NASP: variants seen among roughly 807,000 people sequenced by gnomAD.
NASP encodes nuclear autoantigenic sperm protein, also known as NASP histone chaperone.
Under a neutral mutation model 89.5 loss-of-function variants are expected in NASP, and 24 were observed. That is an observed-to-expected ratio of 0.27 (90% CI 0.19 to 0.38). The LOEUF (loss-of-function observed/expected upper bound fraction) is 0.38, where lower values mean the gene tolerates loss of function less well. Ranked by LOEUF, NASP falls within the 10% of genes least tolerant of loss-of-function variation. The pLI is 1.00. For missense variants in NASP, 848 were observed against 921.4 expected (o/e 0.92, Z 1.03); for synonymous variants, 306 against 324.7 (o/e 0.94, Z 0.62).
At chr1:45,592,284 C>T (rs190421677) in intron 2 of NASP, among the ~76,000 whole-genome samples, 4 of 152,206 alleles carry the variant, frequency 2.6e-5, no homozygotes, top group South Asian at 2.1e-4. Context: ...TGTGCCCACC[C>T]GAATTATATT....
intron 6 of NASP, among the ~76,000 whole-genome samples, chr1:45,608,577 T>G (rs2148361444): frequency 6.6e-6 from 1 of 152,296 alleles, no homozygotes; most frequent in South Asian, 2.1e-4. Context: ...AAAATAGGCC[T>G]TCTGTGTGAT....
At chr1:45,588,657 C>A in intron 1 of NASP, 1 of 450,328 alleles carries the variant, frequency 2.2e-6, no homozygotes, top group Non-Finnish European at 4.5e-6. Flanking sequence ...TAAGAATGAG[C>A]GGCCGGGCGC....
intron 2 of NASP, chr1:45,594,866 C>G: frequency 3.2e-6 from 1 of 310,216 alleles, no homozygotes; most frequent in Admixed American, 3.5e-5. Context: ...TTGGAAAACA[C>G]ATTATTAGTC....
chr1:45,593,419 G>C (rs1643602104), intron 2 of NASP, among the ~76,000 whole-genome samples: 1 of 151,280 alleles, frequency 6.6e-6, no homozygotes, highest in African/African-American at 2.4e-5. Flanking sequence ...TATAATCCCA[G>C]CTACTCGGGA....
At position 45,608,953 on chromosome 1, in the gene NASP, GC is replaced by G. The variant is rs144317439; in HGVS notation, c.1426+624del. On this transcript the variant is annotated intron_variant, in intron 6 of 14. Coordinates refer to ENST00000350030, the MANE Select transcript of NASP (RefSeq NM_002482.4). ...GGCTTATTCACATTAGTTAAAACAG[GC>G]CCCCCCCACCTTCCCCAAGGCAACA... Among the ~76,000 whole-genome samples, 1,375 of 151,360 alleles carry G rather than the reference GC, an allele frequency of 9.1e-3. 20 individuals are homozygous for G. Among genetic ancestry groups the G allele is most frequent in the African/African-American group, 0.032 (1,318 of 41,194 alleles).
At position 45,607,978 on chromosome 1, in the gene NASP, C is replaced by G; in HGVS notation, c.1067C>G (p.Ala356Gly). 6.2e-7 allele frequency: 1 copy of G among 1,614,076 alleles called. No homozygotes were observed. Among genetic ancestry groups the G allele is most frequent in the Non-Finnish European group, 8.5e-7 (1 of 1,179,986 alleles). The change falls in exon 6 of 15, where the codon GCT (alanine) becomes GGT (glycine). Residue 356 changes from alanine to glycine, a missense_variant. Transcript: ENST00000350030. Reference protein sequence around the residue: ...EVTTEAAEASAVEAGSEVSEK... With the variant: ...EVTTEAAEASGVEAGSEVSEK... ...ACAACAGAGGCTGCAGAGGCCTCAG[C>G]TGTAGAGGCTGGATCAGAAGTCTCT...
At chr1:45,604,640 TC>T (rs1405833273) in intron 3 of NASP, among the ~76,000 whole-genome samples, 1 of 152,216 alleles carries the variant, frequency 6.6e-6, no homozygotes, top group Non-Finnish European at 1.5e-5. Flanking sequence ...CATACTGACA[TC>T]CATCTTTTAG....
chr1:45,609,398 A>G lies in NASP; in HGVS notation c.1426+1061A>G, dbSNP rs537958694. The G allele has an allele frequency of 3.3e-5, 5 of 152,354 alleles. No homozygotes were observed. In the East Asian group the frequency reaches 7.7e-4, roughly 23 times the overall value. 9.4% of individuals were successfully genotyped at this position (152,354 alleles called of 1,614,324 possible). The stretch of plus-strand genomic sequence containing the variant: ...CCTGTACTCCAGCCAACACAGGCTC[A>G]GTAACTGGAAATGAATTGGCTAAAA... On this transcript the variant is annotated intron_variant, in intron 6 of 14. Coordinates refer to ENST00000350030, the MANE Select transcript of NASP (RefSeq NM_002482.4).
rs577791160 is a variant in NASP at position 45,589,138 on chromosome 1, A to G, written c.60-2085A>G. 7.2e-5 allele frequency among the ~76,000 whole-genome samples: 11 copies of G among 152,098 alleles called. No individual in the cohort carries two copies. In the South Asian group the frequency reaches 1.2e-3, roughly 17 times the overall value. On this transcript the variant is annotated intron_variant, in intron 1 of 14. Transcript: ENST00000350030. ...CCTATGGTTTCTGGTTTGTTTGTTT[A>G]TTTATTTGAAACAAGGTCTTACTCT... is the stretch of plus-strand genomic sequence containing the variant.
chr1:45,600,818 A>C (rs548904278), intron 2 of NASP, among the ~76,000 whole-genome samples: 3 of 152,208 alleles, frequency 2.0e-5, no homozygotes, highest in Non-Finnish European at 4.4e-5. Flanking sequence ...TGACAGTTCT[A>C]GTTGCCCTAC....
intron 11 of NASP, 91 bp from the exon 12 acceptor site, chr1:45,616,246 A>G: frequency 1.7e-6 from 2 of 1,181,148 alleles, no homozygotes; most frequent in Non-Finnish European, 2.5e-6. Context: ...GGTCTTAGTC[A>G]GTTGTTTGGA....
At position 45,599,953 on chromosome 1, in the gene NASP, ATTTTTTTTTT is replaced by A. The variant is rs11302173; in HGVS notation, c.108-2289_108-2280del. 8.9e-5 allele frequency among the ~76,000 whole-genome samples: 7 copies of A among 79,074 alleles called. No homozygotes were observed. In the South Asian group the frequency reaches 1.3e-3, roughly 15 times the overall value. 51.9% of individuals were successfully genotyped at this position (79,074 alleles called of 152,430 possible). A position where few individuals can be genotyped will look rare whatever the true frequency, so the allele number is the denominator to read the frequency against. ...CTGTCCTAGAGTGCTTTTCCTCTGT[ATTTTTTTTTT>A]TTTTTTTTTTTTGGCTTGCCTTCTT... On this transcript the variant is annotated intron_variant, in intron 2 of 14. Coordinates refer to ENST00000350030, the MANE Select transcript of NASP (RefSeq NM_002482.4).
chr1:45,586,855 C>A (rs1644558046), intron 1 of NASP, among the ~76,000 whole-genome samples: 2 of 151,910 alleles, frequency 1.3e-5, no homozygotes, highest in South Asian at 4.1e-4. Context: ...AGAAATAAAC[C>A]TCAGTTCAGG....
chr1:45,612,213 CTT>C (rs1262788625), intron 6 of NASP: 3 of 152,104 alleles, frequency 2.0e-5, no homozygotes, highest in African/African-American at 4.8e-5. Context: ...AACGGAATCT[CTT>C]TGTGGTTGCT....
At chr1:45,595,975 T>C (rs1031879954) in intron 2 of NASP, among the ~76,000 whole-genome samples, 2 of 152,224 alleles carry the variant, frequency 1.3e-5, no homozygotes, top group Non-Finnish European at 2.9e-5. Context: ...ATGTTTTATT[T>C]GAAAGTTTTA....
chr1:45,612,371 T>C (rs545477463), intron 6 of NASP: 1 of 152,308 alleles, frequency 6.6e-6, no homozygotes, highest in Admixed American at 6.5e-5. Flanking sequence ...GAGAGGCATA[T>C]TATATCCAAT....
At chr1:45,588,632 T>C (rs1453342363) in intron 1 of NASP, 3 of 453,560 alleles carry the variant, frequency 6.6e-6, no homozygotes, top group Non-Finnish European at 1.3e-5. Flanking sequence ...CTAAGTATAG[T>C]TTTTTTGTTT....
chr1:45,608,420 A>C (rs748693788), intron 6 of NASP, 83 bp downstream of exon 6: 5 of 1,422,962 alleles, frequency 3.5e-6, no homozygotes, highest in Non-Finnish European at 1.9e-6. Flanking sequence ...TCAGCCTTCC[A>C]TTCAGGATTT....
intron 6 of NASP, chr1:45,611,442 A>G (rs1169164934): frequency 1.3e-5 from 2 of 150,770 alleles, no homozygotes; most frequent in Admixed American, 6.7e-5. Flanking sequence ...TTAAGGAGAA[A>G]GCCATCGCCA....
Sources: allele counts gnomAD v4.1 joint callset (sites outside exome capture counted in the v4.1 genomes callset), GRCh38; gene constraint gnomAD v4.1.1; transcripts MANE v1.5; gene names NCBI Gene and HGNC (gene_info 2026-07-23, HGNC 2026-07-21).